The following FRRS1 variants were observed in gnomAD, a reference collection of about 807,000 sequenced individuals.
FRRS1 encodes ferric reductase 1.
FRRS1 carries 51 observed loss-of-function variants against 70.7 expected under a neutral mutation model. That is an observed-to-expected ratio of 0.72 (90% confidence interval 0.58 to 0.91). The LOEUF is 0.91. Among genes scored for constraint, FRRS1 ranks in the 40% least tolerant of loss-of-function variants. The probability of loss-of-function intolerance (pLI) is 0.00; values close to 1 mark genes in which losing one functional copy is unlikely to be tolerated. For synonymous variants in FRRS1, 225 were observed against 238.7 expected (o/e 0.94, Z 0.53); for missense variants, 672 against 726.0 (o/e 0.93, Z 0.86).
At chr1:99,765,578 G>C (rs1657314081) in intron 1 of FRRS1, 1 of 137,104 alleles carries the variant, frequency 7.3e-6, no homozygotes, top group African/African-American at 2.8e-5. Context: ...TCCAGCCTGG[G>C]CCACAAGAGC....
In FRRS1 at chr1:99,738,165, T is replaced by C; in HGVS notation, c.680A>G (p.Asp227Gly). ...CATTTCAACCATCACCGATTGGTCA[T>C]CTCTTGTGAAGGACAAGAAGACACA... ...ASCVFLSFTRDDQSVMVEMSG... is the reference protein window; with the variant it reads ...ASCVFLSFTRGDQSVMVEMSG... Residue 227 changes from aspartate (D) to glycine (G), a missense_variant, in exon 7 of 17, where the codon GAT (aspartate) becomes GGT (glycine). By Grantham distance (94) the Asp-to-Gly change is moderately conservative. Coordinates refer to ENST00000646001, the MANE Select transcript of FRRS1 (RefSeq NM_001361041.2). The C allele has an allele frequency of 1.2e-6, 2 of 1,613,712 alleles. No individual in the cohort carries two copies. Among genetic ancestry groups the C allele is most frequent in the Non-Finnish European group, 1.7e-6 (2 of 1,179,636 alleles).
At position 99,742,277 on chromosome 1, in the gene FRRS1, A is replaced by C; in HGVS notation, c.334-4T>G. On this transcript the variant is annotated splice_region_variant and splice_polypyrimidine_tract_variant and intron_variant, in intron 4 of 16. Coordinates refer to ENST00000646001, the MANE Select transcript of FRRS1 (RefSeq NM_001361041.2). ...TTCTGTGACTCACTGCTGATCCCTG[A>C]AATAAAAGGGAAAAGAGCTACCATT... The C allele has an allele frequency of 6.4e-7, 1 of 1,573,986 alleles. No individual in the cohort carries two copies. Among genetic ancestry groups the C allele is most frequent in the Admixed American group, 1.7e-5 (1 of 59,972 alleles).
At chr1:99,744,969 C>CAA (rs71075450) in intron 4 of FRRS1, among the ~76,000 whole-genome samples, 62 of 91,750 alleles carry the variant, frequency 6.8e-4, no homozygotes, top group Non-Finnish European at 1.1e-3. Flanking sequence ...GACTCCGTCT[C>CAA]AAAAAAAAAA....
At position 99,732,844 on chromosome 1, in the gene FRRS1, A is replaced by AT. The variant is rs5776486; in HGVS notation, c.760-3097dup. On this transcript the variant is annotated intron_variant, in intron 7 of 16. Coordinates refer to ENST00000646001, the MANE Select transcript of FRRS1 (RefSeq NM_001361041.2). ...GGTTTGGAGGGATATTTTTGAGACA[A>AT]TTTTTTTTTTTTTTTTTGAGGCAGG... is the stretch of plus-strand genomic sequence containing the variant. Among the ~76,000 whole-genome samples the AT allele has an allele frequency of 5.0e-4, 72 of 145,238 alleles. 1 individual carries two copies. The highest frequency in any genetic ancestry group is 1.6e-3 in the Admixed American group (24 of 14,654).
intron 11 of FRRS1, among the ~76,000 whole-genome samples, chr1:99,716,477 A>C (rs1324272582): frequency 6.6e-6 from 1 of 152,236 alleles, no homozygotes; most frequent in Non-Finnish European, 1.5e-5. Flanking sequence ...AAGGCACGCA[A>C]GTGCAAGCAA....
At chr1:99,749,323 G>A (rs1656458270) in intron 1 of FRRS1, among the ~76,000 whole-genome samples, 1 of 152,146 alleles carries the variant, frequency 6.6e-6, no homozygotes, top group Non-Finnish European at 1.5e-5. Flanking sequence ...ACTGTGCCTG[G>A]CCCAATGTTG....
intron 10 of FRRS1, among the ~76,000 whole-genome samples, 172 bp from the exon 11 acceptor site, chr1:99,717,697 G>A (rs1303342324): frequency 2.6e-5 from 4 of 152,132 alleles, no homozygotes; most frequent in East Asian, 1.9e-4. Flanking sequence ...TTACTCTTTC[G>A]AACAGCAAAC....
At chr1:99,709,988 CA>C (rs1381859044) in intron 15 of FRRS1, among the ~76,000 whole-genome samples, 1 of 151,648 alleles carries the variant, frequency 6.6e-6, no homozygotes, top group Non-Finnish European at 1.5e-5. Context: ...AACAAACAAA[CA>C]AAAAAACAGT....
At position 99,712,132 on chromosome 1, in the gene FRRS1, T is replaced by A; in HGVS notation, c.1453A>T (p.Met485Leu). ...GCTATTATTCTAGCAGCTGTTCCCA[T>A]ACTCCAATGAGTCCAGTTAAACATT... ...RQMFNWTHWS[M>L]GTAARIIAVA... is the part of the protein sequence containing the mutation. The change falls in exon 14 of 17, where the codon ATG becomes TTG. Residue 485 changes from methionine to leucine, a missense_variant. Transcript: ENST00000646001. 1 of 1,610,974 alleles carries A rather than the reference T, an allele frequency of 6.2e-7. No individual in the cohort carries two copies.
intron 4 of FRRS1, among the ~76,000 whole-genome samples, chr1:99,743,399 C>T (rs1292231606): frequency 1.3e-5 from 2 of 151,932 alleles, no homozygotes; most frequent in Admixed American, 6.6e-5. Flanking sequence ...ATTAGAAAAG[C>T]GTTTGGAGGT....
At chr1:99,725,026 A>G (rs1655013590) in intron 9 of FRRS1, among the ~76,000 whole-genome samples, 1 of 152,116 alleles carries the variant, frequency 6.6e-6, no homozygotes, top group Non-Finnish European at 1.5e-5. Context: ...CAATTTTTCC[A>G]TGGAAGAAGG....
At chr1:99,731,198 T>C (rs528929760) in intron 7 of FRRS1, among the ~76,000 whole-genome samples, 1 of 152,340 alleles carries the variant, frequency 6.6e-6, no homozygotes, top group South Asian at 2.1e-4. Flanking sequence ...GATTTTAAGT[T>C]ATTATCCATG....
chr1:99,747,499 C>A, intron 3 of FRRS1, 69 bp from the exon 4 acceptor site: 1 of 1,442,074 alleles, frequency 6.9e-7, no homozygotes, highest in Non-Finnish European at 9.5e-7. Context: ...AGAGGTTGTA[C>A]ATTACAATTA....
At chr1:99,750,914 T>A (rs1036457576) in intron 1 of FRRS1, among the ~76,000 whole-genome samples, 2 of 152,210 alleles carry the variant, frequency 1.3e-5, no homozygotes, top group African/African-American at 4.8e-5. Context: ...GGTTAATTTA[T>A]ATGTCAACTT....
At chr1:99,740,561 T>G (rs759515982) in intron 6 of FRRS1, among the ~76,000 whole-genome samples, 8 of 152,230 alleles carry the variant, frequency 5.3e-5, no homozygotes, top group African/African-American at 7.2e-5. Context: ...TTGTTTACCT[T>G]CTCTTCTGTA....
At chr1:99,740,306 A>T (rs969519917) in intron 6 of FRRS1, among the ~76,000 whole-genome samples, 1 of 152,198 alleles carries the variant, frequency 6.6e-6, no homozygotes, top group Non-Finnish European at 1.5e-5. Flanking sequence ...TCATGACCAA[A>T]CCTTGAACAT....
At chr1:99,734,420 A>T (rs1441376551) in intron 7 of FRRS1, among the ~76,000 whole-genome samples, 1 of 152,220 alleles carries the variant, frequency 6.6e-6, no homozygotes, top group African/African-American at 2.4e-5. Flanking sequence ...AGAAAAAAAT[A>T]TGTATTTATA....
rs897696964 is a variant in FRRS1 at position 99,705,763 on chromosome 1, C to G, written c.*3265G>C. Among the ~76,000 whole-genome samples, 2 of 152,128 alleles carry G rather than the reference C, an allele frequency of 1.3e-5. No individual in the cohort carries two copies. Among genetic ancestry groups the G allele is most frequent in the African/African-American group, 4.8e-5 (2 of 41,398 alleles). ...GCAGACCAGAGAATTTTTTTATTGCCTCAGCTATTAATGCCAGCCCAACCA... is the reference window on the plus strand; with the variant it reads ...GCAGACCAGAGAATTTTTTTATTGCGTCAGCTATTAATGCCAGCCCAACCA... On this transcript the variant is annotated 3_prime_UTR_variant, in exon 17 of 17. Coordinates refer to ENST00000646001, the MANE Select transcript of FRRS1 (RefSeq NM_001361041.2).
chr1:99,740,169 A>C (rs1326832477), intron 6 of FRRS1, among the ~76,000 whole-genome samples: 1 of 152,198 alleles, frequency 6.6e-6, no homozygotes, highest in Non-Finnish European at 1.5e-5. Flanking sequence ...AATCTTGTCT[A>C]AATTTAACTT....
Sources: allele counts gnomAD v4.1 joint callset (sites outside exome capture counted in the v4.1 genomes callset), GRCh38; gene constraint gnomAD v4.1.1; transcripts MANE v1.5; gene names NCBI Gene and HGNC (gene_info 2026-07-23, HGNC 2026-07-21).